SAMD3: variants seen among roughly 807,000 people sequenced by gnomAD.
The protein encoded by SAMD3 is sterile alpha motif domain-containing protein 3.
SAMD3 carries 63 observed loss-of-function variants against 58.5 expected under a neutral mutation model. The observed-to-expected ratio is 1.08, with a 90% CI of 0.88 to 1.33. The LOEUF (loss-of-function observed/expected upper bound fraction) is 1.33. Among genes scored for constraint, SAMD3 ranks in the 40% most tolerant of loss-of-function variants. The pLI is 0.00. For synonymous variants in SAMD3, 220 were observed against 210.3 expected (o/e 1.05, Z -0.40); for missense variants, 604 against 608.4 (o/e 0.99, Z 0.08).
chr6:130,233,614 A>G (rs1235326825), intron 2 of SAMD3, among the ~76,000 whole-genome samples: 2 of 152,170 alleles, frequency 1.3e-5, no homozygotes. Flanking sequence ...CACTTTAAAA[A>G]GCAAGACAGG....
intron 2 of SAMD3, among the ~76,000 whole-genome samples, chr6:130,256,835 C>G (rs922104214): frequency 6.6e-6 from 1 of 152,186 alleles, no homozygotes; most frequent in Non-Finnish European, 1.5e-5. Context: ...TTTTCTATCA[C>G]TTTGTGAGAC....
intron 1 of SAMD3, among the ~76,000 whole-genome samples, chr6:130,219,143 T>G (rs370357977): frequency 2.8e-4 from 42 of 152,290 alleles, no homozygotes; most frequent in African/African-American, 8.9e-4. Flanking sequence ...ACATAGATAT[T>G]TATATTAATC....
intron 8 of SAMD3, among the ~76,000 whole-genome samples, chr6:130,163,778 A>C (rs1790475238): frequency 6.6e-6 from 1 of 151,998 alleles, no homozygotes; most frequent in African/African-American, 2.4e-5. Flanking sequence ...TGTAAGATAA[A>C]TCCAAAGAAA....
chr6:130,348,376 G>A (rs1777528710), intron 1 of SAMD3, among the ~76,000 whole-genome samples: 1 of 152,152 alleles, frequency 6.6e-6, no homozygotes, highest in Non-Finnish European at 1.5e-5. Context: ...TAAAGGGATG[G>A]AGGAAGATCT....
chr6:130,258,679 A>G (rs1212510925), intron 2 of SAMD3, among the ~76,000 whole-genome samples: 1 of 152,168 alleles, frequency 6.6e-6, no homozygotes, highest in African/African-American at 2.4e-5. Context: ...CTTATCACCC[A>G]GCAACCACTC....
rs1267871190 is a variant in SAMD3 at position 130,144,413 on chromosome 6, A to AGAT, written c.*104_*106dup. 4 of 974,794 alleles carry AGAT rather than the reference A, an allele frequency of 4.1e-6. No individual in the cohort carries two copies. In the African/African-American group the frequency reaches 6.6e-5, roughly 16 times the overall value. The allele number at this position is 974,794 out of a possible 1,614,324, so 60.4% of individuals were successfully genotyped here. On this transcript the variant is annotated 3_prime_UTR_variant, in exon 12 of 12. Coordinates refer to ENST00000439090, the MANE Select transcript of SAMD3 (RefSeq NM_001017373.4). ...AAATTCATTAGCATCTATAAATACA[A>AGAT]GATGATTTTCTCATACCTACCTCTA...
intron 1 of SAMD3, among the ~76,000 whole-genome samples, chr6:130,344,671 G>A (rs961095045): frequency 6.6e-6 from 1 of 151,966 alleles, no homozygotes; most frequent in African/African-American, 2.4e-5. Flanking sequence ...TTACTGGCGT[G>A]AGCCATGGAG....
At chr6:130,287,984 T>C (rs1488845056) in intron 2 of SAMD3, among the ~76,000 whole-genome samples, 4 of 151,694 alleles carry the variant, frequency 2.6e-5, no homozygotes, top group African/African-American at 4.8e-5. Context: ...GCTGAAGTCT[T>C]GATGTCCTCC....
intron 5 of SAMD3, among the ~76,000 whole-genome samples, chr6:130,197,850 C>T (rs575585928): frequency 6.6e-6 from 1 of 152,298 alleles, no homozygotes; most frequent in Middle Eastern, 3.4e-3. Flanking sequence ...GCTAAGCCAT[C>T]ATATTCCCTG....
intron 2 of SAMD3, among the ~76,000 whole-genome samples, chr6:130,249,074 T>G (rs1336361137): frequency 6.6e-6 from 1 of 152,188 alleles, no homozygotes; most frequent in East Asian, 1.9e-4. Flanking sequence ...CCTGGAAAAC[T>G]TGGTAATACA....
chr6:130,234,383 G>T (rs375571262), intron 2 of SAMD3, among the ~76,000 whole-genome samples: 1 of 152,134 alleles, frequency 6.6e-6, no homozygotes, highest in South Asian at 2.1e-4. Flanking sequence ...ATATCAATAA[G>T]AGATTTCTTA....
intron 5 of SAMD3, among the ~76,000 whole-genome samples, chr6:130,198,583 A>G (rs750643427): frequency 6.6e-6 from 1 of 152,190 alleles, no homozygotes; most frequent in Admixed American, 6.5e-5. Flanking sequence ...CAGCCCACTG[A>G]TGACAAAGAA....
At chr6:130,352,943 C>G (rs1401286992) in intron 1 of SAMD3, among the ~76,000 whole-genome samples, 1 of 152,170 alleles carries the variant, frequency 6.6e-6, no homozygotes. Context: ...GGAGTTGACA[C>G]ATTTATTTTC....
intron 2 of SAMD3, among the ~76,000 whole-genome samples, chr6:130,263,017 T>C (rs1412401130): frequency 6.6e-6 from 1 of 152,172 alleles, no homozygotes; most frequent in African/African-American, 2.4e-5. Flanking sequence ...ATATTAAAAA[T>C]TGGATAAATG....
At chr6:130,154,770 GTGTGTGTGTATATACATATATA>G (rs1024950679) in intron 9 of SAMD3, 33 bp downstream of exon 9, 39 of 712,990 alleles carry the variant, frequency 5.5e-5, no homozygotes, top group Admixed American at 3.5e-4. Flanking sequence ...TAAAATATGT[GTGTGTGTGTATATACATATATA>G]TGTGTGTGTA....
At chr6:130,162,822 C>T (rs1790388764) in intron 8 of SAMD3, among the ~76,000 whole-genome samples, 1 of 152,172 alleles carries the variant, frequency 6.6e-6, no homozygotes, top group East Asian at 1.9e-4. Context: ...TCTAATTACC[C>T]AAGGGGTGTA....
At chr6:130,255,445 C>A (rs1293148548) in intron 2 of SAMD3, among the ~76,000 whole-genome samples, 1 of 152,106 alleles carries the variant, frequency 6.6e-6, no homozygotes, top group Non-Finnish European at 1.5e-5. Flanking sequence ...TTTTCAGATC[C>A]TTTAACATTT....
intron 1 of SAMD3, among the ~76,000 whole-genome samples, chr6:130,343,974 CA>C (rs1554276943): frequency 3.5e-4 from 51 of 146,734 alleles, no homozygotes; most frequent in African/African-American, 5.5e-4. Context: ...TAAAAACAAA[CA>C]AAAAAAAAAG....
Position 130,215,249 on chromosome 6 carries a change from C to T in SAMD3, c.25G>A (p.Val9Ile), listed in dbSNP as rs755821130. 11 of 1,611,042 alleles carry T rather than the reference C, an allele frequency of 6.8e-6. No homozygotes were observed. In the South Asian group the frequency reaches 1.2e-4, roughly 18 times the overall value. Residue 9 changes from valine to isoleucine, a missense_variant, in exon 3 of 12, where the codon GTC (valine) becomes ATC (isoleucine). Val to Ile is a conservative substitution (Grantham distance 29). Coordinates refer to ENST00000439090, the MANE Select transcript of SAMD3 (RefSeq NM_001017373.4). METWSVEQVCSWLVEKNLG... is the reference protein window; with the variant it reads METWSVEQICSWLVEKNLG... The stretch of plus-strand genomic sequence containing the variant: ...TTTTTCTCCACCAACCAACTGCAGA[C>T]CTGCTCAACTGACCAGGTTTCCATT...
Sources: gnomAD v4.1 joint callset for allele counts (sites outside exome capture counted in the v4.1 genomes callset) on GRCh38, gnomAD v4.1.1 for gene constraint, MANE v1.5 for transcripts, NCBI Gene and HGNC (gene_info 2026-07-23, HGNC 2026-07-21) for gene names.